Variants in CAMK1D observed in about 807,000 individuals in gnomAD.
CAMK1D encodes calcium/calmodulin dependent protein kinase ID, also known as calcium/calmodulin-dependent protein kinase type 1D.
A neutral mutation model predicts 47.7 loss-of-function variants in CAMK1D; 9 were observed. The ratio of observed to expected loss-of-function variants is 0.19; its 90% CI spans 0.11 to 0.33. The LOEUF (loss-of-function observed/expected upper bound fraction) is 0.33, where lower values mean the gene tolerates loss of function less well. Ranked by LOEUF, CAMK1D falls within the 10% of genes least tolerant of loss-of-function variation. The probability of loss-of-function intolerance (pLI) is 1.00; values close to 1 mark genes in which losing one functional copy is unlikely to be tolerated. For missense variants in CAMK1D, 291 were observed against 488.7 expected (o/e 0.60, Z 3.81); for synonymous variants, 184 against 184.9 (o/e 0.99, Z 0.04).
Position 12,755,275 on chromosome 10 carries a change from G to A in CAMK1D, c.300-5673G>A, listed in dbSNP as rs143041512. The stretch of plus-strand genomic sequence containing the variant: ...GTGTGTAGGTGGGCACCAAACCTAC[G>A]GAAGTTATGACGATTATAGGCACCA... On this transcript the variant is annotated intron_variant, in intron 3 of 10. Transcript: ENST00000619168. Among the ~76,000 whole-genome samples the A allele has an allele frequency of 1.9e-4, 29 of 152,260 alleles. No homozygotes were observed. The East Asian group carries it at 3.7e-3, about 19-fold the overall frequency.
In CAMK1D at chr10:12,541,831, G is replaced by A. The variant is rs576723656; in HGVS notation, c.93-11394G>A. Among the ~76,000 whole-genome samples, 90 of 118,488 alleles carry A rather than the reference G, an allele frequency of 7.6e-4. 1 individual carries two copies. Among genetic ancestry groups the A allele is most frequent in the African/African-American group, 2.7e-3 (89 of 33,566 alleles). 77.7% of individuals were successfully genotyped at this position (118,488 alleles called of 152,430 possible). A position where few individuals can be genotyped will look rare whatever the true frequency, so the allele number is the denominator to read the frequency against. On this transcript the variant is annotated intron_variant, in intron 1 of 10. Coordinates refer to ENST00000619168, the MANE Select transcript of CAMK1D (RefSeq NM_153498.4). ...CCAAGTACCACTGACTTCACTTTTT[G>A]CTGTGTTTTATCTTCCTTCCTTCCT...
At chr10:12,674,911 A>G (rs143893563) in intron 3 of CAMK1D, among the ~76,000 whole-genome samples, 10 of 152,042 alleles carry the variant, frequency 6.6e-5, no homozygotes, top group Non-Finnish European at 1.5e-4. Flanking sequence ...AGGTGCCTGT[A>G]ATCCCAGCTA....
chr10:12,413,513 A>ATGGTGATAATGGTGATGATGAGTG (rs1839737865), intron 1 of CAMK1D, among the ~76,000 whole-genome samples: 1 of 86,372 alleles, frequency 1.2e-5, no homozygotes, highest in African/African-American at 4.3e-5. Flanking sequence ...AGTGGTGATG[A>ATGGTGATAATGGTGATGATGAGTG]TGATGGTGAT....
At chr10:12,730,643 G>T (rs1287411705) in intron 3 of CAMK1D, among the ~76,000 whole-genome samples, 1 of 152,120 alleles carries the variant, frequency 6.6e-6, no homozygotes, top group Non-Finnish European at 1.5e-5. Context: ...TAAGAGCTGG[G>T]GAGAAGAGGA....
chr10:12,542,049 AT>A (rs926399760), intron 1 of CAMK1D, among the ~76,000 whole-genome samples: 1 of 150,856 alleles, frequency 6.6e-6, no homozygotes, highest in Non-Finnish European at 1.5e-5. Context: ...TAATTTTTGA[AT>A]TTTTTTCTGG....
chr10:12,639,797 A>ATTGTTATTT lies in CAMK1D; in HGVS notation c.225-26939_225-26938insTTGTTATTT, dbSNP rs1320270706. Among the ~76,000 whole-genome samples, 3 of 152,178 alleles carry ATTGTTATTT rather than the reference A, an allele frequency of 2.0e-5. No individual in the cohort carries two copies. The East Asian group carries it at 5.8e-4, about 29-fold the overall frequency. ...ATGCTTCTCATGATAATGCTTCTGG[A>ATTGTTATTT]AACAGATTGTTATTTAACAATCAAA... is the stretch of plus-strand genomic sequence containing the variant. On this transcript the variant is annotated intron_variant, in intron 2 of 10. Coordinates refer to ENST00000619168, the MANE Select transcript of CAMK1D (RefSeq NM_153498.4).
chr10:12,566,363 C>T (rs530340550), intron 2 of CAMK1D, among the ~76,000 whole-genome samples: 1 of 152,268 alleles, frequency 6.6e-6, no homozygotes, highest in Non-Finnish European at 1.5e-5. Context: ...GGTGGCCGGC[C>T]TTCTTCCAGG....
intron 2 of CAMK1D, among the ~76,000 whole-genome samples, chr10:12,637,809 A>ACCATATG (rs1289754951): frequency 6.6e-6 from 1 of 152,174 alleles, no homozygotes; most frequent in Non-Finnish European, 1.5e-5. Flanking sequence ...GGGAACACCA[A>ACCATATG]CCATATGGTG....
intron 1 of CAMK1D, among the ~76,000 whole-genome samples, chr10:12,506,173 C>G (rs761665548): frequency 2.6e-5 from 4 of 152,106 alleles, no homozygotes; most frequent in Non-Finnish European, 5.9e-5. Flanking sequence ...AATCCCAGCA[C>G]TTTGGGAGGC....
intron 1 of CAMK1D, among the ~76,000 whole-genome samples, chr10:12,373,249 G>GCCTT (rs1195642832): frequency 3.3e-5 from 5 of 151,734 alleles, no homozygotes; most frequent in Admixed American, 1.3e-4. Flanking sequence ...GGAAGTTGAG[G>GCCTT]CTGCAGTGAG....
intron 1 of CAMK1D, among the ~76,000 whole-genome samples, chr10:12,430,666 C>G (rs1832440087): frequency 6.6e-6 from 1 of 152,082 alleles, no homozygotes; most frequent in Non-Finnish European, 1.5e-5. Flanking sequence ...AATCCACGTG[C>G]CGAGTATTGG....
intron 1 of CAMK1D, among the ~76,000 whole-genome samples, chr10:12,476,058 C>T (rs955807798): frequency 4.6e-5 from 7 of 151,208 alleles, no homozygotes; most frequent in South Asian, 2.1e-4. Context: ...TTAGGGAGGC[C>T]GAGGGGGGGC....
intron 1 of CAMK1D, among the ~76,000 whole-genome samples, chr10:12,477,480 C>T (rs541787141): frequency 3.3e-5 from 5 of 152,234 alleles, no homozygotes; most frequent in African/African-American, 9.6e-5. Context: ...CTGGGGAAGA[C>T]GAAAGGGGCA....
chr10:12,500,525 G>T (rs1239288229), intron 1 of CAMK1D, among the ~76,000 whole-genome samples: 1 of 152,200 alleles, frequency 6.6e-6, no homozygotes, highest in Non-Finnish European at 1.5e-5. Flanking sequence ...CCAGGGCTGG[G>T]TGTCATGCCA....
chr10:12,689,172 G>C (rs1047331713), intron 3 of CAMK1D, among the ~76,000 whole-genome samples: 3 of 152,314 alleles, frequency 2.0e-5, no homozygotes, highest in African/African-American at 7.2e-5. Context: ...GTGACTCTCT[G>C]TTGTCTCAGG....
At chr10:12,535,402 T>A (rs964929814) in intron 1 of CAMK1D, among the ~76,000 whole-genome samples, 5 of 152,202 alleles carry the variant, frequency 3.3e-5, no homozygotes, top group Non-Finnish European at 5.9e-5. Context: ...GGGACTTTAT[T>A]CCCTTCTTCC....
Position 12,829,287 on chromosome 10 carries a change from C to A in CAMK1D, c.*400C>A, listed in dbSNP as rs1833374636. 1 of 156,638 alleles carries A rather than the reference C, an allele frequency of 6.4e-6. No individual in the cohort carries two copies. Among genetic ancestry groups the A allele is most frequent in the African/African-American group, 2.4e-5 (1 of 41,398 alleles). 9.7% of individuals were successfully genotyped at this position (156,638 alleles called of 1,614,324 possible). On this transcript the variant is annotated 3_prime_UTR_variant, in exon 11 of 11. Coordinates refer to ENST00000619168, the MANE Select transcript of CAMK1D (RefSeq NM_153498.4). ...TATTTAAATATTGGTAAATATTGTG[C>A]ATTAGGGTTTGTTTTTCCTTTTAAG...
intron 1 of CAMK1D, among the ~76,000 whole-genome samples, chr10:12,531,770 C>G (rs972010372): frequency 6.6e-6 from 1 of 152,216 alleles, no homozygotes; most frequent in African/African-American, 2.4e-5. Flanking sequence ...GTTTTCTAAG[C>G]AATAATGTTC....
In CAMK1D at chr10:12,642,629, T is replaced by G. The variant is rs150476253; in HGVS notation, c.225-24107T>G. Among the ~76,000 whole-genome samples the G allele has an allele frequency of 1.6e-3, 241 of 152,314 alleles. 3 individuals are homozygous for G. Among genetic ancestry groups the G allele is most frequent in the African/African-American group, 5.5e-3 (229 of 41,566 alleles). ...ACAGCCAGAAGGTGGATCCAAAAAT[T>G]CCTACCAATAATGAGAGATACCATA... On this transcript the variant is annotated intron_variant, in intron 2 of 10. Coordinates refer to ENST00000619168, the MANE Select transcript of CAMK1D (RefSeq NM_153498.4).
Sources: gnomAD v4.1 joint callset for allele counts (sites outside exome capture counted in the v4.1 genomes callset) on GRCh38, gnomAD v4.1.1 for gene constraint, MANE v1.5 for transcripts, NCBI Gene and HGNC (gene_info 2026-07-23, HGNC 2026-07-21) for gene names.